Variants in WDR45B observed in about 807,000 individuals in gnomAD.
WDR45B encodes WD repeat domain 45B, also known as WD repeat domain phosphoinositide-interacting protein 3.
WDR45B carries 20 observed loss-of-function variants against 44.6 expected under a neutral mutation model. The observed-to-expected ratio is 0.45, with a 90% CI of 0.32 to 0.65. The LOEUF (loss-of-function observed/expected upper bound fraction) is 0.65. WDR45B is among the 30% of genes least tolerant of loss of function. The pLI, the probability that WDR45B is intolerant of heterozygous loss-of-function variation, is 0.05. For missense variants in WDR45B, 323 were observed against 430.2 expected, an observed-to-expected ratio of 0.75 and a Z score of 2.20; for synonymous variants, 169 against 164.9, an observed-to-expected ratio of 1.02 and a Z score of -0.19.
intron 2 of WDR45B, among the ~76,000 whole-genome samples, chr17:82,638,279 GGAAA>G (rs1244087142): frequency 5.0e-5 from 4 of 80,724 alleles, no homozygotes; most frequent in Admixed American, 3.7e-4. Context: ...GGGGGGAGGA[GGAAA>G]GAAAGAAAGA....
At chr17:82,636,663 C>CTT (rs1315499629) in intron 2 of WDR45B, 1 of 152,054 alleles carries the variant, frequency 6.6e-6, no homozygotes, top group Admixed American at 6.5e-5. Context: ...ATAAATCTTT[C>CTT]TGAGTTTCTC....
intron 1 of WDR45B, among the ~76,000 whole-genome samples, chr17:82,646,854 C>G (rs1037663370): frequency 3.9e-5 from 6 of 152,190 alleles, no homozygotes; most frequent in Admixed American, 6.5e-5. Flanking sequence ...AGCACACAAC[C>G]CTGGGGAAGC....
intron 1 of WDR45B, among the ~76,000 whole-genome samples, chr17:82,646,949 C>T (rs1299338269): frequency 6.6e-6 from 1 of 152,100 alleles, no homozygotes; most frequent in Non-Finnish European, 1.5e-5. Context: ...ATGTGTAATC[C>T]GGCCGGGCGC....
At chr17:82,644,246 T>A in intron 1 of WDR45B, 1 of 585,686 alleles carries the variant, frequency 1.7e-6, no homozygotes, top group Non-Finnish European at 3.1e-6. Flanking sequence ...GTCTTGGAGT[T>A]GTTCACACAA....
chr17:82,636,627 G>A (rs549739508), intron 2 of WDR45B: 7 of 152,128 alleles, frequency 4.6e-5, no homozygotes, highest in East Asian at 1.9e-4. Flanking sequence ...AAGGATATTC[G>A]TTGTTACAGA....
chr17:82,616,071 A>T lies in WDR45B; in HGVS notation c.929-46T>A, dbSNP rs1176357768. On this transcript the variant is annotated intron_variant, in intron 9 of 9. Coordinates refer to ENST00000392325, the MANE Select transcript of WDR45B (RefSeq NM_019613.4). ...TTTACCTGTGTGTTTCTTTCCCTCA[A>T]GTTAAAAGCAACGAGTCCCACTGAG... The T allele has an allele frequency of 3.2e-6, 5 of 1,559,518 alleles. No homozygotes were observed. In the African/African-American group the frequency reaches 5.4e-5, roughly 17 times the overall value.
At chr17:82,647,798 C>T (rs1341982762) in intron 1 of WDR45B, among the ~76,000 whole-genome samples, 2 of 151,982 alleles carry the variant, frequency 1.3e-5, no homozygotes, top group African/African-American at 4.8e-5. Flanking sequence ...CAGCCACGGG[C>T]TACCTACTAA....
chr17:82,646,488 C>CAAAAAAAAAAAAAAAAAA (rs779661551), intron 1 of WDR45B, among the ~76,000 whole-genome samples: 8 of 19,944 alleles, frequency 4.0e-4, no homozygotes, highest in Non-Finnish European at 7.9e-4. Context: ...AACTCCGTCT[C>CAAAAAAAAAAAAAAAAAA]AAAAAAAAAA....
chr17:82,628,673 G>A (rs2045729508), intron 3 of WDR45B, among the ~76,000 whole-genome samples: 1 of 152,044 alleles, frequency 6.6e-6, no homozygotes, highest in South Asian at 2.1e-4. Flanking sequence ...CTCCAAGCTG[G>A]GCAACAGAGG....
chr17:82,643,263 T>C (rs2045938521), intron 2 of WDR45B, among the ~76,000 whole-genome samples: 1 of 152,080 alleles, frequency 6.6e-6, no homozygotes, highest in African/African-American at 2.4e-5. Context: ...TGAAACCCCG[T>C]CTCTACTAAA....
At chr17:82,634,313 C>A (rs951167498) in intron 2 of WDR45B, among the ~76,000 whole-genome samples, 2 of 151,362 alleles carry the variant, frequency 1.3e-5, no homozygotes, top group South Asian at 4.2e-4. Context: ...CATGGTGAAA[C>A]CCTGTCTCTA....
chr17:82,648,083 C>T (rs1472669643), intron 1 of WDR45B, among the ~76,000 whole-genome samples, 191 bp downstream of exon 1: 2 of 149,380 alleles, frequency 1.3e-5, no homozygotes, highest in African/African-American at 4.9e-5. Flanking sequence ...GGGCCTGGTC[C>T]GGACCCCGGC....
chr17:82,643,906 G>T, intron 2 of WDR45B, 43 bp downstream of exon 2: 1 of 1,597,004 alleles, frequency 6.3e-7, no homozygotes, highest in Non-Finnish European at 8.6e-7. Flanking sequence ...GACTCCGAGG[G>T]TTGGAAAGGG....
chr17:82,616,701 T>C (rs781075042), intron 8 of WDR45B, 56 bp from the exon 9 acceptor site: 63 of 1,610,124 alleles, frequency 3.9e-5, no homozygotes, highest in Non-Finnish European at 5.2e-5. Flanking sequence ...AAAAATCACC[T>C]GCGTAAGCTC....
intron 2 of WDR45B, among the ~76,000 whole-genome samples, chr17:82,634,450 T>C (rs543554064): frequency 7.2e-5 from 11 of 151,924 alleles, no homozygotes; most frequent in African/African-American, 2.4e-4. Context: ...ATCTCGCCAG[T>C]GCACTCCATC....
chr17:82,641,884 C>A (rs900573668), intron 2 of WDR45B, among the ~76,000 whole-genome samples: 2 of 150,710 alleles, frequency 1.3e-5, no homozygotes, highest in African/African-American at 2.5e-5. Flanking sequence ...GGCAACAGAG[C>A]GAGACAACGT....
rs370008525 is a variant in WDR45B at position 82,648,101 on chromosome 17, G to A, written c.67+173C>T. On this transcript the variant is annotated intron_variant, in intron 1 of 9. Coordinates refer to ENST00000392325, the MANE Select transcript of WDR45B (RefSeq NM_019613.4). ...CCTGGTCCGGACCCCGGCTCGGGCT[G>A]GGAGCAGCGGCGAGGGCCGGGGCCG... Among the ~76,000 whole-genome samples the A allele has an allele frequency of 3.5e-4, 53 of 150,830 alleles. No individual in the cohort carries two copies. In the East Asian group the frequency reaches 7.2e-3, roughly 21 times the overall value.
intron 5 of WDR45B, among the ~76,000 whole-genome samples, chr17:82,622,596 C>A (rs973919995): frequency 2.0e-5 from 3 of 152,080 alleles, no homozygotes; most frequent in Non-Finnish European, 4.4e-5. Context: ...CCATGTCCAG[C>A]TAATTTTTTG....
chr17:82,616,690 A>G (rs201883889), intron 8 of WDR45B, 45 bp from the exon 9 acceptor site: 4 of 1,613,632 alleles, frequency 2.5e-6, no homozygotes, highest in Non-Finnish European at 3.4e-6. Flanking sequence ...TTTACAGGAA[A>G]AAAAATCACC....
Sources: gnomAD v4.1 joint callset for allele counts (sites outside exome capture counted in the v4.1 genomes callset) on GRCh38, gnomAD v4.1.1 for gene constraint, MANE v1.5 for transcripts, NCBI Gene and HGNC (gene_info 2026-07-23, HGNC 2026-07-21) for gene names.